Variants in FAM227B observed in about 807,000 individuals in gnomAD.
FAM227B encodes the protein protein FAM227B.
Under a neutral mutation model 73.8 loss-of-function variants are expected in FAM227B, and 88 were observed. That is an observed-to-expected ratio of 1.19 (90% confidence interval 1.00 to 1.42). FAM227B has a LOEUF of 1.42. FAM227B is among the 40% of genes most tolerant of loss of function. FAM227B has a pLI of 0.00. For missense variants in FAM227B, 632 were observed against 590.9 expected (o/e 1.07, Z -0.72); for synonymous variants, 210 against 190.5 (o/e 1.10, Z -0.84).
chr15:49,337,663 T>C (rs1340462313), intron 13 of FAM227B, among the ~76,000 whole-genome samples: 2 of 152,040 alleles, frequency 1.3e-5, no homozygotes, highest in Admixed American at 6.6e-5. Context: ...CTCCTAATGC[T>C]ATCCCTCCCA....
intron 11 of FAM227B, among the ~76,000 whole-genome samples, chr15:49,503,811 C>T (rs187540201): frequency 3.3e-5 from 5 of 152,194 alleles, no homozygotes; most frequent in African/African-American, 9.6e-5. Context: ...AATAGAAACA[C>T]GTTTACACTG....
chr15:49,601,078 T>C (rs1208696896), intron 3 of FAM227B, among the ~76,000 whole-genome samples: 1 of 150,250 alleles, frequency 6.7e-6, no homozygotes, highest in Non-Finnish European at 1.5e-5. Flanking sequence ...TACCACTTTG[T>C]TCACTGTTTT....
rs949065925 is a variant in FAM227B at position 49,330,482 on chromosome 15, G to A, written c.1419+1298C>T. 3.3e-5 allele frequency: 5 copies of A among 152,284 alleles called. No individual in the cohort carries two copies. The South Asian group carries it at 1.0e-3, about 32-fold the overall frequency. The allele number at this position is 152,284 out of a possible 1,614,324, so 9.4% of individuals were successfully genotyped here. A position where few individuals can be genotyped will look rare whatever the true frequency, so the allele number is the denominator to read the frequency against. ...TGGATTACTGAGTGGTGGAATATCTGATACTACTTGTCCAACATTTCTACA... is the reference window on the plus strand; with the variant it reads ...TGGATTACTGAGTGGTGGAATATCTAATACTACTTGTCCAACATTTCTACA... On this transcript the variant is annotated intron_variant, in intron 15 of 15. Transcript: ENST00000299338.
intron 11 of FAM227B, among the ~76,000 whole-genome samples, chr15:49,497,245 T>G (rs1760348046): frequency 6.6e-6 from 1 of 152,212 alleles, no homozygotes; most frequent in South Asian, 2.1e-4. Context: ...TTAGGGACTA[T>G]AGTATAGGAA....
chr15:49,593,294 C>T (rs1345022956), intron 3 of FAM227B, among the ~76,000 whole-genome samples: 3 of 152,184 alleles, frequency 2.0e-5, no homozygotes, highest in Non-Finnish European at 4.4e-5. Context: ...TAGACTGGAG[C>T]TGTTCCTATT....
chr15:49,569,066 A>C (rs1225745841), intron 8 of FAM227B, among the ~76,000 whole-genome samples: 1 of 151,882 alleles, frequency 6.6e-6, no homozygotes, highest in Non-Finnish European at 1.5e-5. Context: ...TAATAGTTAC[A>C]ATCTAGATTT....
chr15:49,548,084 T>C (rs2072213196), intron 9 of FAM227B, among the ~76,000 whole-genome samples: 1 of 152,220 alleles, frequency 6.6e-6, no homozygotes. Flanking sequence ...GTGTGTATCC[T>C]TGTCATGTTC....
intron 3 of FAM227B, among the ~76,000 whole-genome samples, chr15:49,596,877 G>T (rs1487792924): frequency 1.3e-5 from 2 of 151,490 alleles, no homozygotes; most frequent in Non-Finnish European, 1.5e-5. Context: ...AGACAAAGAG[G>T]GACATTATAT....
At chr15:49,583,971 C>T (rs1213957602) in intron 5 of FAM227B, among the ~76,000 whole-genome samples, 1 of 152,038 alleles carries the variant, frequency 6.6e-6, no homozygotes, top group Non-Finnish European at 1.5e-5. Flanking sequence ...GAAACTATTC[C>T]AAAAACTTAA....
intron 11 of FAM227B, among the ~76,000 whole-genome samples, chr15:49,469,653 A>T (rs2054560979): frequency 6.6e-6 from 1 of 152,156 alleles, no homozygotes; most frequent in Non-Finnish European, 1.5e-5. Flanking sequence ...TTTTACTATA[A>T]GGCAGACAAA....
chr15:49,542,029 C>T (rs1476627506), intron 9 of FAM227B, among the ~76,000 whole-genome samples: 1 of 152,168 alleles, frequency 6.6e-6, no homozygotes, highest in African/African-American at 2.4e-5. Flanking sequence ...GGAGCAATGC[C>T]ACCCTCTCCA....
At chr15:49,500,914 G>C (rs771086990) in intron 11 of FAM227B, among the ~76,000 whole-genome samples, 5 of 152,086 alleles carry the variant, frequency 3.3e-5, no homozygotes, top group Non-Finnish European at 2.9e-5. Flanking sequence ...CCTCTTGCTT[G>C]ATCCTGCTTT....
At chr15:49,404,947 G>A (rs1243292624) in intron 11 of FAM227B, among the ~76,000 whole-genome samples, 1 of 152,112 alleles carries the variant, frequency 6.6e-6, no homozygotes, top group Admixed American at 6.5e-5. Context: ...GGCAGTTCTG[G>A]TGGTAACTAA....
At chr15:49,402,762 G>A (rs539130220) in intron 11 of FAM227B, among the ~76,000 whole-genome samples, 1 of 152,008 alleles carries the variant, frequency 6.6e-6, no homozygotes, top group Admixed American at 6.6e-5. Context: ...CTTCCTATTC[G>A]AATACTCTTT....
At chr15:49,354,386 C>T (rs1373901694) in intron 13 of FAM227B, among the ~76,000 whole-genome samples, 3 of 152,194 alleles carry the variant, frequency 2.0e-5, no homozygotes, top group Middle Eastern at 3.4e-3. Context: ...TCAGTGGGTG[C>T]GCGCACCGTG....
At chr15:49,500,050 A>C (rs2058011681) in intron 11 of FAM227B, among the ~76,000 whole-genome samples, 1 of 152,220 alleles carries the variant, frequency 6.6e-6, no homozygotes, top group South Asian at 2.1e-4. Context: ...TTAAGAAATG[A>C]AAGGGCAAGC....
chr15:49,468,699 T>G (rs536797767), intron 11 of FAM227B, among the ~76,000 whole-genome samples: 12 of 152,284 alleles, frequency 7.9e-5, no homozygotes, highest in African/African-American at 2.9e-4. Flanking sequence ...TAAAGAAATG[T>G]GGAGAAAGTG....
intron 3 of FAM227B, among the ~76,000 whole-genome samples, chr15:49,603,028 T>C (rs1278681219): frequency 1.3e-5 from 2 of 152,208 alleles, no homozygotes; most frequent in East Asian, 1.9e-4. Context: ...GCCAGTACCA[T>C]GCTGTTTTGG....
At chr15:49,396,877 T>TA (rs1174554653) in intron 11 of FAM227B, among the ~76,000 whole-genome samples, 1 of 151,790 alleles carries the variant, frequency 6.6e-6, no homozygotes. Context: ...CAAAAGTAGA[T>TA]AAAACCACAA....
Sources: allele counts gnomAD v4.1 joint callset (sites outside exome capture counted in the v4.1 genomes callset), GRCh38; gene constraint gnomAD v4.1.1; transcripts MANE v1.5; gene names NCBI Gene and HGNC (gene_info 2026-07-23, HGNC 2026-07-21).